Variants in SLC7A5 observed in about 807,000 individuals in gnomAD.
SLC7A5 encodes the protein large neutral amino acids transporter small subunit 1.
Under a neutral mutation model 50.2 loss-of-function variants are expected in SLC7A5, and 23 were observed. The observed-to-expected ratio is 0.46, with a 90% CI of 0.33 to 0.65. The LOEUF is 0.65. Ranked by LOEUF, SLC7A5 falls within the 30% of genes least tolerant of loss-of-function variation. SLC7A5 has a pLI of 0.02. For missense variants in SLC7A5, 578 were observed against 684.4 expected, an observed-to-expected ratio of 0.84 and a Z score of 1.73; for synonymous variants, 393 against 330.6, an observed-to-expected ratio of 1.19 and a Z score of -2.05.
At chr16:87,836,414 C>T in intron 8 of SLC7A5, 84 bp downstream of exon 8, 1 of 1,513,458 alleles carries the variant, frequency 6.6e-7, no homozygotes, top group Non-Finnish European at 9.0e-7. Context: ...AGCTGGGATG[C>T]TGGCTCCCAA....
intron 1 of SLC7A5, among the ~76,000 whole-genome samples, chr16:87,867,158 G>T (rs1416425089): frequency 6.6e-6 from 1 of 152,226 alleles, no homozygotes; most frequent in African/African-American, 2.4e-5. Context: ...GACCTCGGTA[G>T]ATCCGCCCGT....
chr16:87,849,684 C>T (rs2055195677), intron 2 of SLC7A5, among the ~76,000 whole-genome samples: 1 of 152,136 alleles, frequency 6.6e-6, no homozygotes, highest in South Asian at 2.1e-4. Flanking sequence ...CTTCTGAGTG[C>T]CCGGGAGCCA....
chr16:87,858,894 A>G (rs2143815768), intron 1 of SLC7A5, among the ~76,000 whole-genome samples: 1 of 152,338 alleles, frequency 6.6e-6, no homozygotes, highest in Non-Finnish European at 1.5e-5. Flanking sequence ...GCCTCTCCCC[A>G]ATCCCGATGG....
At chr16:87,859,957 C>T (rs1312252396) in intron 1 of SLC7A5, among the ~76,000 whole-genome samples, 1 of 151,350 alleles carries the variant, frequency 6.6e-6, no homozygotes, top group Non-Finnish European at 1.5e-5. Context: ...ATATTCGTCT[C>T]CACAACCTCC....
At chr16:87,854,764 C>T (rs1369143873) in intron 1 of SLC7A5, among the ~76,000 whole-genome samples, 1 of 152,258 alleles carries the variant, frequency 6.6e-6, no homozygotes, top group African/African-American at 2.4e-5. Context: ...GCTGGGGGCC[C>T]CTCCCAGTCT....
At chr16:87,839,373 T>C (rs1366061638) in intron 5 of SLC7A5, among the ~76,000 whole-genome samples, 3 of 152,224 alleles carry the variant, frequency 2.0e-5, no homozygotes, top group African/African-American at 7.2e-5. Context: ...AATCTTTCTG[T>C]ACTCAGATTT....
At chr16:87,840,797 G>C (rs1469168520) in intron 3 of SLC7A5, among the ~76,000 whole-genome samples, 1 of 152,214 alleles carries the variant, frequency 6.6e-6, no homozygotes, top group Non-Finnish European at 1.5e-5. Context: ...GCCTCCACCT[G>C]CCACCTTCGC....
intron 9 of SLC7A5, 37 bp downstream of exon 9, chr16:87,834,377 G>A (rs1324807587): frequency 1.3e-6 from 2 of 1,547,530 alleles, no homozygotes; most frequent in Non-Finnish European, 1.7e-6. Flanking sequence ...GCCCAGGGCA[G>A]AGGGTACCAC....
At chr16:87,868,759 A>C in intron 1 of SLC7A5, 126 bp downstream of exon 1, 1 of 1,015,294 alleles carries the variant, frequency 9.8e-7, no homozygotes, top group Non-Finnish European at 1.5e-6. Flanking sequence ...ACCTTAGCCT[A>C]GAACTGCCGG....
In SLC7A5 at chr16:87,862,543, G is replaced by C. The variant is rs1341181788; in HGVS notation, c.538+6342C>G. ...CAGACTAAAGGAAACCCTGGCTCCT[G>C]TCTCTGGCTCTTCCCTCCCTCTCTT... is the stretch of plus-strand genomic sequence containing the variant. On this transcript the variant is annotated intron_variant, in intron 1 of 9. Transcript: ENST00000261622. The surrounding 1 kb of genome is among the most constrained non-coding windows in gnomAD (Gnocchi z 5.3). 6.6e-6 allele frequency among the ~76,000 whole-genome samples: 1 copy of C among 152,248 alleles called. No individual in the cohort carries two copies. Among genetic ancestry groups the C allele is most frequent in the Non-Finnish European group, 1.5e-5 (1 of 68,036 alleles).
intron 1 of SLC7A5, among the ~76,000 whole-genome samples, chr16:87,857,574 C>T (rs1027809214): frequency 1.9e-4 from 29 of 152,240 alleles, no homozygotes; most frequent in African/African-American, 5.5e-4. Flanking sequence ...TGAGCCACCG[C>T]GCCTGGCCGG....
chr16:87,845,394 G>T (rs1259752166), intron 2 of SLC7A5, among the ~76,000 whole-genome samples: 4 of 149,374 alleles, frequency 2.7e-5, no homozygotes, highest in African/African-American at 1.0e-4. Context: ...TCAGTCCAGA[G>T]CCCAGGCCAG....
chr16:87,834,313 C>G (rs755434767), intron 9 of SLC7A5, 101 bp downstream of exon 9: 8 of 1,185,664 alleles, frequency 6.7e-6, no homozygotes, highest in Non-Finnish European at 9.8e-6. Context: ...TGCCACCCAA[C>G]ACGCTTCGCC....
At position 87,860,341 on chromosome 16, in the gene SLC7A5, TACACACACACACACACACACAC is replaced by T. The variant is rs370835904; in HGVS notation, c.539-8514_539-8493del. On this transcript the variant is annotated intron_variant, in intron 1 of 9. Coordinates refer to ENST00000261622, the MANE Select transcript of SLC7A5 (RefSeq NM_003486.7). The surrounding 1 kb of genome is among the most constrained non-coding windows in gnomAD (Gnocchi z 4.8). ...AAAGCATCTCAAAAAAAAAAAAAAA[TACACACACACACACACACACAC>T]ACACACACACACACACACACACACA... 3.7e-4 allele frequency among the ~76,000 whole-genome samples: 32 copies of T among 86,184 alleles called. No individual in the cohort carries two copies. The highest frequency in any genetic ancestry group is 9.5e-4 in the African/African-American group (19 of 19,936). 56.5% of individuals were successfully genotyped at this position (86,184 alleles called of 152,430 possible).
At chr16:87,850,335 C>T (rs143220673) in intron 2 of SLC7A5, among the ~76,000 whole-genome samples, 290 of 152,292 alleles carry the variant, frequency 1.9e-3, no homozygotes, top group African/African-American at 6.3e-3. Flanking sequence ...TTGGCCTGGC[C>T]GTGCATGGGG....
Position 87,860,476 on chromosome 16 carries a change from G to T in SLC7A5, c.538+8409C>A, listed in dbSNP as rs1047436829. On this transcript the variant is annotated intron_variant, in intron 1 of 9. Coordinates refer to ENST00000261622, the MANE Select transcript of SLC7A5 (RefSeq NM_003486.7). This position sits in a 1 kb window ranked among gnomAD's most constrained non-coding sequence, Gnocchi z 4.8. ...CCCATCCCCGCCTTGGAGTTGTCCC[G>T]CCTTTCTCGGCAGAACCAACAAATA... Among the ~76,000 whole-genome samples the T allele has an allele frequency of 3.3e-5, 5 of 150,664 alleles. No individual in the cohort carries two copies. The highest frequency in any genetic ancestry group is 5.9e-5 in the Non-Finnish European group (4 of 67,864).
chr16:87,850,696 CA>C lies in SLC7A5; in HGVS notation c.664+1027del, dbSNP rs374506715. ...CAGAGGCATCCCTGCTGGACTCAAG[CA>C]ACAGGGCCCCCCACTTCAACTGTAC... On this transcript the variant is annotated intron_variant, in intron 2 of 9. Coordinates refer to ENST00000261622, the MANE Select transcript of SLC7A5 (RefSeq NM_003486.7). Among the ~76,000 whole-genome samples the C allele has an allele frequency of 3.5e-3, 536 of 152,312 alleles. 3 individuals carry two copies. The highest frequency in any genetic ancestry group is 0.012 in the African/African-American group (516 of 41,556).
Position 87,836,698 on chromosome 16 carries a change from T to C in SLC7A5, c.1141-51A>G, listed in dbSNP as rs758023851. 18 of 1,599,384 alleles carry C rather than the reference T, an allele frequency of 1.1e-5. No individual in the cohort carries two copies. The East Asian group carries it at 1.8e-4, about 16-fold the overall frequency. On this transcript the variant is annotated intron_variant, in intron 7 of 9. Coordinates refer to ENST00000261622, the MANE Select transcript of SLC7A5 (RefSeq NM_003486.7). ...GCCCTGGGGCCCACGAGCAGGGCTGTGGACGGCCGTGGTGGCCACCGGGGA... is the reference window on the plus strand; with the variant it reads ...GCCCTGGGGCCCACGAGCAGGGCTGCGGACGGCCGTGGTGGCCACCGGGGA...
intron 2 of SLC7A5, among the ~76,000 whole-genome samples, chr16:87,844,466 C>A (rs4843270): frequency 0.36 from 54,904 of 151,970 alleles, 11,582 homozygotes; most frequent in African/African-American, 0.58. Flanking sequence ...GGGGAGACTC[C>A]GCCGGTGGCT....
Sources: allele counts gnomAD v4.1 joint callset (sites outside exome capture counted in the v4.1 genomes callset), GRCh38; gene constraint gnomAD v4.1.1; non-coding constraint Gnocchi (gnomAD v3.1); transcripts MANE v1.5; gene names NCBI Gene and HGNC (gene_info 2026-07-23, HGNC 2026-07-21).